Variants in CCDC102B observed in about 807,000 individuals in gnomAD.
CCDC102B encodes the protein coiled-coil domain containing 102B.
A neutral mutation model predicts 57.4 loss-of-function variants in CCDC102B; 75 were observed. That is an observed-to-expected ratio of 1.31 (90% CI 1.08 to 1.58). CCDC102B has a LOEUF of 1.58. Among genes scored for constraint, CCDC102B ranks in the 40% most tolerant of loss-of-function variants. CCDC102B has a pLI of 0.00. For synonymous variants in CCDC102B, 206 were observed against 201.9 expected (o/e 1.02, Z -0.17); for missense variants, 636 against 582.6 (o/e 1.09, Z -0.94).
chr18:68,819,784 C>T (rs2036624209), intron 1 of CCDC102B, among the ~76,000 whole-genome samples: 1 of 151,908 alleles, frequency 6.6e-6, no homozygotes, highest in African/African-American at 2.4e-5. Flanking sequence ...AGGATGTAAG[C>T]TTACCTATCT....
intron 3 of CCDC102B, among the ~76,000 whole-genome samples, chr18:68,842,417 T>C (rs79182253): frequency 0.018 from 2,790 of 152,248 alleles, 79 homozygotes; most frequent in African/African-American, 0.064. Context: ...TTTTGTGTTT[T>C]GGCAATTCAC....
At chr18:68,865,003 T>A (rs1170176748) in intron 4 of CCDC102B, among the ~76,000 whole-genome samples, 2 of 152,030 alleles carry the variant, frequency 1.3e-5, no homozygotes, top group Non-Finnish European at 2.9e-5. Flanking sequence ...CTCCTCTCAG[T>A]AGAGGGTGTG....
intron 1 of CCDC102B, among the ~76,000 whole-genome samples, chr18:68,806,543 A>C (rs1017239203): frequency 1.3e-5 from 2 of 152,146 alleles, no homozygotes; most frequent in Non-Finnish European, 2.9e-5. Context: ...AGAGACAGCA[A>C]TATTGCCAAA....
chr18:68,836,878 A>G lies in CCDC102B; in HGVS notation c.115A>G (p.Thr39Ala). 6.2e-7 allele frequency: 1 copy of G among 1,614,132 alleles called. No homozygotes were observed. The highest frequency in any genetic ancestry group is 8.5e-7 in the Non-Finnish European group (1 of 1,180,006). Residue 39 changes from threonine to alanine, a missense_variant, in exon 2 of 8, where the codon ACC becomes GCC. Physicochemically the swap from Thr to Ala is moderately conservative, Grantham distance 58 (BLOSUM62 0). Coordinates refer to ENST00000360242, the MANE Select transcript of CCDC102B (RefSeq NM_024781.3). Reference sequence around the variant, plus strand: ...GGCACCTGCCTCACCCCCCAGGGATACCTGTAATACCTGCTTCCCACTTCA... The same window carrying G: ...GGCACCTGCCTCACCCCCCAGGGATGCCTGTAATACCTGCTTCCCACTTCA... ...MVAPASPPRD[T>A]CNTCFPLHGL...
At chr18:69,021,240 A>C (rs1473969582) in intron 7 of CCDC102B, among the ~76,000 whole-genome samples, 1 of 152,204 alleles carries the variant, frequency 6.6e-6, no homozygotes, top group African/African-American at 2.4e-5. Flanking sequence ...TCTAGCACTA[A>C]ATCTATTTCT....
chr18:69,033,549 C>T (rs959849248), intron 7 of CCDC102B, among the ~76,000 whole-genome samples: 1 of 151,994 alleles, frequency 6.6e-6, no homozygotes, highest in African/African-American at 2.4e-5. Flanking sequence ...GAATATGTGA[C>T]CTTTTGTGAC....
chr18:68,997,690 A>G (rs2145347135), intron 6 of CCDC102B, among the ~76,000 whole-genome samples: 1 of 151,944 alleles, frequency 6.6e-6, no homozygotes, highest in East Asian at 1.9e-4. Flanking sequence ...TTCCTCAATA[A>G]TATCTATTTC....
At chr18:69,038,716 C>T (rs956094348) in intron 7 of CCDC102B, among the ~76,000 whole-genome samples, 2 of 151,796 alleles carry the variant, frequency 1.3e-5, no homozygotes, top group African/African-American at 4.8e-5. Context: ...AATGCATTTA[C>T]AAACTGATTT....
intron 6 of CCDC102B, among the ~76,000 whole-genome samples, chr18:68,955,715 G>C (rs930705700): frequency 2.0e-5 from 3 of 151,580 alleles, no homozygotes; most frequent in South Asian, 2.1e-4. Flanking sequence ...ATGAAAGAAA[G>C]CCTTTATAAT....
At chr18:68,816,990 A>G (rs2036511587) in intron 1 of CCDC102B, among the ~76,000 whole-genome samples, 1 of 152,198 alleles carries the variant, frequency 6.6e-6, no homozygotes, top group African/African-American at 2.4e-5. Context: ...CTGCATTGTG[A>G]GAGAAAGAAA....
intron 2 of CCDC102B, chr18:68,838,328 T>A: frequency 1.3e-6 from 1 of 792,820 alleles, no homozygotes; most frequent in Non-Finnish European, 1.5e-6. Flanking sequence ...TGTTAAAAAA[T>A]GATTGCTTTG....
chr18:68,848,312 T>C (rs978863371), intron 4 of CCDC102B, among the ~76,000 whole-genome samples: 4 of 152,004 alleles, frequency 2.6e-5, no homozygotes, highest in African/African-American at 9.7e-5. Context: ...TAATGACCTT[T>C]GCATTTATCG....
intron 6 of CCDC102B, among the ~76,000 whole-genome samples, chr18:68,984,608 C>A (rs552560012): frequency 1.3e-5 from 2 of 152,024 alleles, no homozygotes; most frequent in African/African-American, 2.4e-5. Flanking sequence ...GCACAACAGG[C>A]GACCTTTAGA....
intron 2 of CCDC102B, among the ~76,000 whole-genome samples, chr18:68,756,167 G>T (rs902006419): frequency 1.3e-5 from 2 of 151,618 alleles, no homozygotes; most frequent in African/African-American, 4.8e-5. Flanking sequence ...TTCAGGCAAA[G>T]AAATAAGAAC....
At chr18:68,786,086 A>G (rs908857543) in intron 2 of CCDC102B, among the ~76,000 whole-genome samples, 3 of 150,092 alleles carry the variant, frequency 2.0e-5, no homozygotes, top group African/African-American at 7.4e-5. Flanking sequence ...TAAACAGGGA[A>G]TCCTTTCCCC....
chr18:68,847,836 G>A (rs1373282236), intron 4 of CCDC102B, among the ~76,000 whole-genome samples: 2 of 151,626 alleles, frequency 1.3e-5, no homozygotes, highest in African/African-American at 4.8e-5. Flanking sequence ...GAATAATGAA[G>A]GCAGTGAATG....
At chr18:68,849,143 A>G (rs2038009661) in intron 4 of CCDC102B, among the ~76,000 whole-genome samples, 1 of 151,968 alleles carries the variant, frequency 6.6e-6, no homozygotes, top group Non-Finnish European at 1.5e-5. Context: ...ACACCTCAAA[A>G]TACCTTTCTG....
In CCDC102B at chr18:69,054,454, GT is replaced by G; in HGVS notation, c.*318del. 9.7e-7 allele frequency: 1 copy of G among 1,025,868 alleles called. No individual in the cohort carries two copies. Among genetic ancestry groups the G allele is most frequent in the Admixed American group, 5.7e-5 (1 of 17,412 alleles). The allele number at this position is 1,025,868 out of a possible 1,614,324, so 63.5% of individuals were successfully genotyped here. A position where few individuals can be genotyped will look rare whatever the true frequency, so the allele number is the denominator to read the frequency against. ...AGAGTTATAATATCGGTAAGAAAAA[GT>G]AAGTTGAAAACCATACAAGACGCTG... On this transcript the variant is annotated 3_prime_UTR_variant, in exon 8 of 8. Coordinates refer to ENST00000360242, the MANE Select transcript of CCDC102B (RefSeq NM_024781.3).
chr18:68,914,597 G>A (rs1050793643), intron 6 of CCDC102B, among the ~76,000 whole-genome samples: 1 of 152,108 alleles, frequency 6.6e-6, no homozygotes, highest in Non-Finnish European at 1.5e-5. Flanking sequence ...GAGGCTGGAG[G>A]TGCCCTTGAC....
Sources: allele counts gnomAD v4.1 joint callset (sites outside exome capture counted in the v4.1 genomes callset), GRCh38; gene constraint gnomAD v4.1.1; transcripts MANE v1.5; gene names NCBI Gene and HGNC (gene_info 2026-07-23, HGNC 2026-07-21).